The following RFC3 variants were observed in gnomAD, a reference collection of about 807,000 sequenced individuals.
RFC3 encodes the protein A1 38 kDa subunit.
RFC3 carries 41 observed loss-of-function variants against 45.1 expected under a neutral mutation model. The observed-to-expected ratio is 0.91, with a 90% CI of 0.71 to 1.18. The LOEUF (loss-of-function observed/expected upper bound fraction) is 1.18, where lower values mean the gene tolerates loss of function less well. Among genes scored for constraint, RFC3 ranks in the 50% most tolerant of loss-of-function variants. RFC3 has a pLI of 0.00. For missense variants in RFC3, 423 were observed against 428.1 expected, an observed-to-expected ratio of 0.99 and a Z score of 0.10; for synonymous variants, 149 against 144.0, an observed-to-expected ratio of 1.03 and a Z score of -0.25.
At chr13:33,941,104 G>A (rs1036078504) in intron 8 of RFC3, among the ~76,000 whole-genome samples, 13 of 152,226 alleles carry the variant, frequency 8.5e-5, no homozygotes, top group African/African-American at 3.1e-4. Context: ...GAGGGAAGTG[G>A]ATGGAGCTAT....
chr13:33,883,195 T>C (rs9315264), intron 8 of RFC3, among the ~76,000 whole-genome samples: 135,173 of 152,248 alleles, frequency 0.89, 60,318 homozygotes, highest in Non-Finnish European at 0.94. Flanking sequence ...CAACTATATA[T>C]CTTAAAATGA....
intron 8 of RFC3, among the ~76,000 whole-genome samples, chr13:33,851,037 G>A (rs1235690439): frequency 2.0e-5 from 3 of 152,064 alleles, no homozygotes; most frequent in Admixed American, 6.6e-5. Flanking sequence ...TCTTTGAAAA[G>A]CAAGCCAAAA....
Position 33,836,787 on chromosome 13 carries a change from A to G in RFC3, c.*492A>G. The G allele has an allele frequency of 1.0e-6, 1 of 985,918 alleles. No individual in the cohort carries two copies. Among genetic ancestry groups the G allele is most frequent in the Non-Finnish European group, 1.2e-6 (1 of 830,196 alleles). The allele number at this position is 985,918 out of a possible 1,614,324, so 61.1% of individuals were successfully genotyped here. On this transcript the variant is annotated 3_prime_UTR_variant, in exon 9 of 9. Transcript: ENST00000380071. ...TTCTGAAACATAATTATTGGTATGG[A>G]CAAAATTGCAGATACCATTTCTGTT...
chr13:33,875,066 A>G (rs1353946354), intron 8 of RFC3, among the ~76,000 whole-genome samples: 2 of 152,226 alleles, frequency 1.3e-5, no homozygotes, highest in Non-Finnish European at 2.9e-5. Context: ...TGGGGATGTT[A>G]CTCCATACAC....
At chr13:33,829,735 A>G (rs1407644512) in intron 4 of RFC3, 101 bp from the exon 5 acceptor site, 2 of 894,424 alleles carry the variant, frequency 2.2e-6, no homozygotes, top group Non-Finnish European at 3.7e-6. Flanking sequence ...TATCAGGCTT[A>G]TTATTTAGGA....
At chr13:33,818,312 C>A in intron 1 of RFC3, 47 bp downstream of exon 1, 1 of 1,541,046 alleles carries the variant, frequency 6.5e-7, no homozygotes, top group Non-Finnish European at 9.0e-7. Context: ...GGCCCCCCGG[C>A]TCGGGGTTTC....
chr13:33,862,969 T>G (rs1262941362), intron 8 of RFC3, among the ~76,000 whole-genome samples: 1 of 152,218 alleles, frequency 6.6e-6, no homozygotes, highest in Non-Finnish European at 1.5e-5. Flanking sequence ...TTGTTTATAA[T>G]AAATTAATTC....
chr13:33,921,850 C>G (rs1375927645), intron 8 of RFC3, among the ~76,000 whole-genome samples: 1 of 152,110 alleles, frequency 6.6e-6, no homozygotes, highest in Non-Finnish European at 1.5e-5. Context: ...AACTAATTAT[C>G]TAATTTTAAA....
intron 8 of RFC3, among the ~76,000 whole-genome samples, chr13:33,863,699 C>A (rs1021971880): frequency 6.6e-6 from 1 of 152,196 alleles, no homozygotes; most frequent in African/African-American, 2.4e-5. Flanking sequence ...GATACACAGG[C>A]CTTCCATGAA....
chr13:33,856,286 GA>G (rs1271324145), intron 8 of RFC3, among the ~76,000 whole-genome samples: 1 of 152,144 alleles, frequency 6.6e-6, no homozygotes. Context: ...GTTAAATGAA[GA>G]GAAGAGATGG....
chr13:33,867,815 C>T (rs80142903), intron 8 of RFC3, among the ~76,000 whole-genome samples: 1,768 of 152,262 alleles, frequency 0.012, 37 homozygotes, highest in African/African-American at 0.041. Flanking sequence ...AGCTACAACC[C>T]CAGGACTCAT....
intron 8 of RFC3, among the ~76,000 whole-genome samples, chr13:33,926,840 C>G (rs1362330019): frequency 2.7e-5 from 4 of 150,530 alleles, no homozygotes; most frequent in Non-Finnish European, 4.4e-5. Flanking sequence ...TAGGCCTATG[C>G]TTTGATTATA....
chr13:33,941,002 G>GTTTA (rs781155092), intron 8 of RFC3, among the ~76,000 whole-genome samples: 5 of 152,210 alleles, frequency 3.3e-5, no homozygotes, highest in Non-Finnish European at 7.3e-5. Flanking sequence ...ACCCACAAGT[G>GTTTA]TTTACATCAG....
chr13:33,830,626 A>G (rs761326816), intron 5 of RFC3, 93 bp from the exon 6 acceptor site: 120 of 945,580 alleles, frequency 1.3e-4, no homozygotes, highest in Non-Finnish European at 1.7e-4. Context: ...TTTTGAGAGT[A>G]ATACAGTTAT....
downstream of RFC3, among the ~76,000 whole-genome samples, chr13:33,837,964 T>C (rs2082170528): frequency 6.6e-6 from 1 of 152,116 alleles, no homozygotes; most frequent in Non-Finnish European, 1.5e-5. Flanking sequence ...AATGGATTAC[T>C]TGGAATTGTG....
intron 8 of RFC3, among the ~76,000 whole-genome samples, chr13:33,954,100 AAATAATTGACCAAAAAAATTGATAGC>A: frequency 6.6e-6 from 1 of 152,332 alleles, no homozygotes; most frequent in South Asian, 2.1e-4. Flanking sequence ...CCAATCCAGA[AAATAATTGACCAAAAAAATTGATAGC>A]AACCTTGTAA....
intron 8 of RFC3, among the ~76,000 whole-genome samples, chr13:33,894,859 A>T (rs905697910): frequency 2.0e-5 from 3 of 152,192 alleles, no homozygotes; most frequent in Non-Finnish European, 4.4e-5. Context: ...CCAAATACTT[A>T]CAACCAACTG....
In RFC3 at chr13:33,865,578, A is replaced by G. The variant is rs79134784; in HGVS notation, c.879+30361A>G. On this transcript the variant is annotated intron_variant, in intron 8 of 8. Coordinates refer to the RFC3 transcript ENST00000434425. The stretch of plus-strand genomic sequence containing the variant: ...GAGGGAAAAGCATAATTATAGACCA[A>G]TGTATTTATCAATCAATCAATCAAT... 1.3e-3 allele frequency among the ~76,000 whole-genome samples: 202 copies of G among 152,360 alleles called. 6 individuals are homozygous for G. The East Asian group carries it at 0.033, about 25-fold the overall frequency.
chr13:33,975,617 C>T, the RFC3 span, among the ~76,000 whole-genome samples: 2,451 of 152,132 alleles, frequency 0.016, 50 homozygotes, highest in African/African-American at 0.053. Flanking sequence ...TACAAATGTA[C>T]GAAACAAGCT....
Sources: gnomAD v4.1 joint callset for allele counts (sites outside exome capture counted in the v4.1 genomes callset) on GRCh38, gnomAD v4.1.1 for gene constraint, MANE v1.5 for transcripts, NCBI Gene and HGNC (gene_info 2026-07-23, HGNC 2026-07-21) for gene names.